The following PAMR1 variants were observed in gnomAD, a reference collection of about 807,000 sequenced individuals.
The protein encoded by PAMR1 is peptidase domain containing associated with muscle regeneration 1, also known as inactive serine protease PAMR1.
Under a neutral mutation model 81.8 loss-of-function variants are expected in PAMR1, and 88 were observed. The observed-to-expected ratio is 1.08, with a 90% CI of 0.91 to 1.28. PAMR1 has a LOEUF of 1.28. Among genes scored for constraint, PAMR1 ranks in the 50% most tolerant of loss-of-function variants. The probability of loss-of-function intolerance (pLI) is 0.00; values close to 1 mark genes in which losing one functional copy is unlikely to be tolerated. For missense variants in PAMR1, 935 were observed against 919.7 expected, an observed-to-expected ratio of 1.02 and a Z score of -0.21; for synonymous variants, 336 against 345.3, an observed-to-expected ratio of 0.97 and a Z score of 0.30.
At chr11:35,504,947 T>C (rs1607122) in intron 1 of PAMR1, among the ~76,000 whole-genome samples, 47,360 of 151,678 alleles carry the variant, frequency 0.31, 7,490 homozygotes, top group African/African-American at 0.36. Context: ...TGCATTGTTA[T>C]GTTATTTGAA....
intron 3 of PAMR1, among the ~76,000 whole-genome samples, chr11:35,488,062 A>C (rs560417015): frequency 8.5e-5 from 13 of 152,204 alleles, no homozygotes; most frequent in African/African-American, 2.9e-4. Flanking sequence ...TCTTGATCTC[A>C]TAGGAAGTTC....
chr11:35,432,886 C>T lies in PAMR1; in HGVS notation c.1633G>A (p.Ala545Thr), dbSNP rs1855945697. ...EKTIQSLQIS[A>T]IILHPNYDPI... Reference sequence around the variant, plus strand: ...TCATAGTTGGGATGCAGAATGATAGCAGAAATCTACAAATGCAAGGAATGG... The same window carrying T: ...TCATAGTTGGGATGCAGAATGATAGTAGAAATCTACAAATGCAAGGAATGG... Residue 545 changes from alanine to threonine, a missense_variant, in exon 11 of 11, where the codon GCT (alanine) becomes ACT (threonine). By Grantham distance (58) the Ala-to-Thr change is moderately conservative. Transcript: ENST00000619888. 1.3e-6 allele frequency: 2 copies of T among 1,571,174 alleles called. No homozygotes were observed. The highest frequency in any genetic ancestry group is 1.2e-5 in the South Asian group (1 of 86,346).
intron 3 of PAMR1, among the ~76,000 whole-genome samples, chr11:35,479,477 A>G (rs1850343690): frequency 6.6e-6 from 1 of 152,256 alleles, no homozygotes; most frequent in Non-Finnish European, 1.5e-5. Context: ...AAAATGCTCA[A>G]TAAGTGGCAA....
intron 6 of PAMR1, among the ~76,000 whole-genome samples, chr11:35,459,068 TTCTC>T (rs1244992231): frequency 1.3e-5 from 2 of 152,308 alleles, no homozygotes; most frequent in African/African-American, 2.4e-5. Context: ...GAAATTCTCA[TTCTC>T]TCTCTATGTG....
chr11:35,497,459 G>A (rs1850748307), intron 1 of PAMR1, among the ~76,000 whole-genome samples: 1 of 152,200 alleles, frequency 6.6e-6, no homozygotes, highest in African/African-American at 2.4e-5. Context: ...TGGTTACAGA[G>A]TTTCTGTTTG....
intron 6 of PAMR1, among the ~76,000 whole-genome samples, chr11:35,463,839 A>G (rs1358703358): frequency 6.6e-6 from 1 of 152,214 alleles, no homozygotes; most frequent in Admixed American, 6.5e-5. Context: ...GTACTAGGCC[A>G]AATCTAGCTG....
At chr11:35,469,936 T>C (rs113129532) in intron 5 of PAMR1, among the ~76,000 whole-genome samples, 6,647 of 152,282 alleles carry the variant, frequency 0.044, 493 homozygotes, top group African/African-American at 0.15. Flanking sequence ...TCCTACTTCC[T>C]AATATGATCA....
intron 1 of PAMR1, among the ~76,000 whole-genome samples, chr11:35,500,932 A>C (rs1229774624): frequency 3.3e-5 from 5 of 152,200 alleles, no homozygotes; most frequent in African/African-American, 1.2e-4. Flanking sequence ...TACCATGAAC[A>C]GAGCTTGCAG....
chr11:35,494,021 C>T, intron 2 of PAMR1, 75 bp downstream of exon 2: 1 of 1,168,794 alleles, frequency 8.6e-7, no homozygotes. Context: ...TGCTAGAATT[C>T]AGGCGTTCAG....
Position 35,432,484 on chromosome 11 carries a change from G to T in PAMR1, c.2035C>A (p.Pro679Thr). The T allele has an allele frequency of 6.2e-7, 1 of 1,614,240 alleles. No individual in the cohort carries two copies. The highest frequency in any genetic ancestry group is 1.7e-5 in the Admixed American group (1 of 60,032). Reference protein sequence around the residue: ...AAVSFPGRASPEPRWHLMGLV... With the variant: ...AAVSFPGRASTEPRWHLMGLV... ...CCCATCAGATGCCAGCGTGGCTCAGGAGATGCTCGTCCCGGGAAGGACACA... is the reference window on the plus strand; with the variant it reads ...CCCATCAGATGCCAGCGTGGCTCAGTAGATGCTCGTCCCGGGAAGGACACA... The change falls in exon 11 of 11, where the codon CCT (proline) becomes ACT (threonine). Residue 679 changes from proline (P) to threonine (T), a missense_variant. By Grantham distance (38) the Pro-to-Thr change is conservative (BLOSUM62 -1). Coordinates refer to ENST00000619888, the MANE Select transcript of PAMR1 (RefSeq NM_001001991.3).
At chr11:35,519,818 A>G (rs561277168) in intron 1 of PAMR1, among the ~76,000 whole-genome samples, 20 of 152,324 alleles carry the variant, frequency 1.3e-4, no homozygotes, top group African/African-American at 4.3e-4. Flanking sequence ...GCCAAAATAC[A>G]GCCAGCAGAT....
At chr11:35,439,926 GAAA>G in intron 7 of PAMR1, among the ~76,000 whole-genome samples, 1 of 152,196 alleles carries the variant, frequency 6.6e-6, no homozygotes, top group South Asian at 2.1e-4. Flanking sequence ...AGATGCCTCT[GAAA>G]GGCTGCCCCA....
At chr11:35,445,759 T>C (rs547408521) in intron 6 of PAMR1, among the ~76,000 whole-genome samples, 60 of 152,348 alleles carry the variant, frequency 3.9e-4, no homozygotes, top group African/African-American at 1.3e-3. Flanking sequence ...GGTTTTTGCA[T>C]TGATGTTTAT....
Position 35,479,625 on chromosome 11 carries a change from C to A in PAMR1, c.380-4881G>T, listed in dbSNP as rs541829254. 4.9e-3 allele frequency among the ~76,000 whole-genome samples: 741 copies of A among 152,292 alleles called. 7 individuals carry two copies. The highest frequency in any genetic ancestry group is 0.017 in the African/African-American group (690 of 41,570). On this transcript the variant is annotated intron_variant, in intron 3 of 10. Transcript: ENST00000619888. The stretch of plus-strand genomic sequence containing the variant: ...AGCCTCATCTCTTCACTGGCTAGAA[C>A]CCTAAACCCAACAGGTTTAGCATCC...
At chr11:35,506,413 GTT>G (rs66913789) in intron 1 of PAMR1, among the ~76,000 whole-genome samples, 3 of 131,644 alleles carry the variant, frequency 2.3e-5, no homozygotes, top group Admixed American at 1.6e-4. Flanking sequence ...GCATGTTAGT[GTT>G]TTTTTTTTGT....
intron 1 of PAMR1, 46 bp from the exon 2 acceptor site, chr11:35,494,318 G>A: frequency 1.3e-6 from 2 of 1,494,970 alleles, no homozygotes; most frequent in Non-Finnish European, 9.3e-7. Context: ...GGCAGGGAGT[G>A]GTAAGACTCT....
In PAMR1 at chr11:35,521,963, C is replaced by T. The variant is rs189223329; in HGVS notation, c.73+3550G>A. On this transcript the variant is annotated intron_variant, in intron 1 of 10. Coordinates refer to ENST00000619888, the MANE Select transcript of PAMR1 (RefSeq NM_001001991.3). ...TTGGAGACAGAGTCTCACTCTGTCG[C>T]CCAAGCTGGAGTGCAGTGGCGCGAT... Among the ~76,000 whole-genome samples the T allele has an allele frequency of 6.5e-4, 99 of 151,864 alleles. No homozygotes were observed. In the East Asian group the frequency reaches 0.018, roughly 27 times the overall value.
intron 1 of PAMR1, among the ~76,000 whole-genome samples, chr11:35,498,792 C>T (rs575698456): frequency 2.6e-5 from 4 of 152,296 alleles, no homozygotes; most frequent in Admixed American, 2.6e-4. Context: ...CCCAAGGCCT[C>T]CGTCTCAGGC....
intron 3 of PAMR1, among the ~76,000 whole-genome samples, chr11:35,487,170 A>G (rs896428166): frequency 1.3e-5 from 2 of 151,734 alleles, no homozygotes; most frequent in African/African-American, 4.8e-5. Flanking sequence ...TCACAGACCC[A>G]TGAGAAAGAA....
Sources: gnomAD v4.1 joint callset for allele counts (sites outside exome capture counted in the v4.1 genomes callset) on GRCh38, gnomAD v4.1.1 for gene constraint, MANE v1.5 for transcripts, NCBI Gene and HGNC (gene_info 2026-07-23, HGNC 2026-07-21) for gene names.